TMTC2: variants seen among roughly 807,000 people sequenced by gnomAD.
TMTC2 encodes protein O-mannosyl-transferase TMTC2.
A neutral mutation model predicts 82.4 loss-of-function variants in TMTC2; 43 were observed. The observed-to-expected ratio is 0.52, with a 90% CI of 0.41 to 0.67. The LOEUF is 0.67. Among genes scored for constraint, TMTC2 ranks in the 30% least tolerant of loss-of-function variants. TMTC2 has a pLI of 0.00. For synonymous variants in TMTC2, 408 were observed against 381.9 expected (o/e 1.07, Z -0.80); for missense variants, 919 against 1,012.4 (o/e 0.91, Z 1.25).
At chr12:83,020,669 A>T (rs947205311) in intron 8 of TMTC2, among the ~76,000 whole-genome samples, 4 of 151,860 alleles carry the variant, frequency 2.6e-5, no homozygotes, top group African/African-American at 9.7e-5. Flanking sequence ...CAGGATACCA[A>T]TATAGCAACC....
intron 1 of TMTC2, among the ~76,000 whole-genome samples, chr12:82,797,552 G>T (rs1042021296): frequency 6.6e-6 from 1 of 152,062 alleles, no homozygotes; most frequent in Admixed American, 6.6e-5. Context: ...TGGTTGCCGT[G>T]TATAAAAAGG....
In TMTC2 at chr12:82,729,485, C is replaced by T. The variant is rs957585587; in HGVS notation, c.83+41816C>T. ...GCTCAGGGTTTGTGAATGCACCAAT[C>T]GACACTCTGTATGTAGCTAATCTAG... On this transcript the variant is annotated intron_variant, in intron 1 of 11. Transcript: ENST00000321196. Among the ~76,000 whole-genome samples, 6 of 152,008 alleles carry T rather than the reference C, an allele frequency of 3.9e-5. No individual in the cohort carries two copies. In the East Asian group the frequency reaches 5.8e-4, roughly 15 times the overall value.
chr12:82,877,883 G>A (rs7310705), intron 2 of TMTC2, among the ~76,000 whole-genome samples: 22,154 of 152,146 alleles, frequency 0.15, 4,934 homozygotes, highest in African/African-American at 0.48. Context: ...ACACCGACAT[G>A]AAATGTGTAA....
intron 11 of TMTC2, among the ~76,000 whole-genome samples, chr12:83,096,261 C>T (rs760131795): frequency 1.3e-5 from 2 of 152,334 alleles, no homozygotes; most frequent in Non-Finnish European, 1.5e-5. Flanking sequence ...AATGGCAGCA[C>T]GTAGGGTCTC....
chr12:82,849,748 G>A (rs1870875453), intron 1 of TMTC2, among the ~76,000 whole-genome samples: 2 of 152,164 alleles, frequency 1.3e-5, no homozygotes, highest in African/African-American at 4.8e-5. Context: ...GCTACTTTAT[G>A]ACTAAGAGGC....
intron 2 of TMTC2, among the ~76,000 whole-genome samples, chr12:82,876,426 C>G (rs1409099865): frequency 6.6e-6 from 1 of 152,136 alleles, no homozygotes; most frequent in Non-Finnish European, 1.5e-5. Context: ...GTTAATATCT[C>G]TCTTCATGTC....
intron 2 of TMTC2, among the ~76,000 whole-genome samples, chr12:82,886,845 A>T (rs2137164503): frequency 6.6e-6 from 1 of 152,272 alleles, no homozygotes; most frequent in East Asian, 1.9e-4. Context: ...TCCTAACCAT[A>T]CTTTCAGCCA....
chr12:82,732,645 T>G (rs1384630481), intron 1 of TMTC2, among the ~76,000 whole-genome samples: 1 of 152,190 alleles, frequency 6.6e-6, no homozygotes, highest in African/African-American at 2.4e-5. Context: ...ACACAGCTGG[T>G]TCTCATCATC....
At chr12:82,705,626 A>G (rs538248153) in intron 1 of TMTC2, among the ~76,000 whole-genome samples, 1 of 152,368 alleles carries the variant, frequency 6.6e-6, no homozygotes, top group South Asian at 2.1e-4. Context: ...AAATCAGCTC[A>G]AATAGGCATT....
At position 82,774,283 on chromosome 12, in the gene TMTC2, A is replaced by C. The variant is rs141427716; in HGVS notation, c.84-82727A>C. Among the ~76,000 whole-genome samples the C allele has an allele frequency of 1.8e-4, 27 of 152,260 alleles. No homozygotes were observed. The East Asian group carries it at 3.7e-3, about 21-fold the overall frequency. ...TATGTATATATATGGTGCCAAAATA[A>C]CAGTGACATCAATGTGATAGAAGTT... On this transcript the variant is annotated intron_variant, in intron 1 of 11. Transcript: ENST00000321196.
intron 1 of TMTC2, among the ~76,000 whole-genome samples, chr12:82,782,727 T>C (rs1010737998): frequency 4.5e-4 from 69 of 152,184 alleles, no homozygotes; most frequent in African/African-American, 1.7e-3. Flanking sequence ...TGGACATTGA[T>C]ATTTTCTACC....
chr12:82,764,206 C>T (rs563923440), intron 1 of TMTC2, among the ~76,000 whole-genome samples: 2 of 152,218 alleles, frequency 1.3e-5, no homozygotes, highest in African/African-American at 2.4e-5. Flanking sequence ...GGCACAATCT[C>T]GGGTCACTGC....
intron 11 of TMTC2, among the ~76,000 whole-genome samples, chr12:83,070,945 A>G (rs1319262325): frequency 6.6e-6 from 1 of 152,122 alleles, no homozygotes; most frequent in Non-Finnish European, 1.5e-5. Flanking sequence ...CTATTGAGAT[A>G]ATCACGTGAT....
At chr12:83,055,320 A>G (rs1249279371) in intron 10 of TMTC2, among the ~76,000 whole-genome samples, 1 of 152,054 alleles carries the variant, frequency 6.6e-6, no homozygotes, top group African/African-American at 2.4e-5. Flanking sequence ...AATTGTATTC[A>G]TAGGGAAGAT....
intron 11 of TMTC2, among the ~76,000 whole-genome samples, chr12:83,089,381 A>G (rs1315184782): frequency 6.6e-6 from 1 of 152,208 alleles, no homozygotes; most frequent in Non-Finnish European, 1.5e-5. Context: ...AGAAAACTGA[A>G]CGGCACATAG....
chr12:82,808,133 A>T (rs1249982176), intron 1 of TMTC2, among the ~76,000 whole-genome samples: 2 of 151,962 alleles, frequency 1.3e-5, no homozygotes, highest in Non-Finnish European at 2.9e-5. Context: ...CTGGGGATTA[A>T]AAAGCAATAG....
At chr12:82,829,000 A>C (rs1052048507) in intron 1 of TMTC2, among the ~76,000 whole-genome samples, 1 of 152,174 alleles carries the variant, frequency 6.6e-6, no homozygotes, top group Non-Finnish European at 1.5e-5. Flanking sequence ...AATTATAATA[A>C]TGTGAGTATT....
At position 82,693,541 on chromosome 12, in the gene TMTC2, G is replaced by A. The variant is rs143595771; in HGVS notation, c.83+5872G>A. Reference sequence around the variant, plus strand: ...AGATTTTTGCCTCAGGTTTTTGGCCGTATTTTCAAGACAGTTAGGTCCAAA... The same window carrying A: ...AGATTTTTGCCTCAGGTTTTTGGCCATATTTTCAAGACAGTTAGGTCCAAA... On this transcript the variant is annotated intron_variant, in intron 1 of 11. Transcript: ENST00000321196. Among the ~76,000 whole-genome samples the A allele has an allele frequency of 2.0e-3, 298 of 152,282 alleles. 1 individual carries two copies. Among genetic ancestry groups the A allele is most frequent in the Admixed American group, 4.0e-3 (61 of 15,294 alleles).
intron 1 of TMTC2, among the ~76,000 whole-genome samples, chr12:82,807,502 C>T (rs1017558059): frequency 3.9e-5 from 6 of 152,160 alleles, no homozygotes; most frequent in African/African-American, 1.4e-4. Flanking sequence ...CTGTGTCTTA[C>T]TGCACCAAAT....
Sources: allele counts gnomAD v4.1 joint callset (sites outside exome capture counted in the v4.1 genomes callset), GRCh38; gene constraint gnomAD v4.1.1; transcripts MANE v1.5; gene names NCBI Gene and HGNC (gene_info 2026-07-23, HGNC 2026-07-21).